The following XYLT1 variants were observed in gnomAD, a reference collection of about 807,000 sequenced individuals.
XYLT1 encodes beta-D-xylosyltransferase 1.
A neutral mutation model predicts 91.3 loss-of-function variants in XYLT1; 36 were observed. The ratio of observed to expected loss-of-function variants is 0.39; its 90% confidence interval spans 0.30 to 0.52. XYLT1 has a LOEUF of 0.52. XYLT1 is among the 20% of genes least tolerant of loss of function. The pLI is 0.68. For missense variants in XYLT1, 1,242 were observed against 1,284.5 expected, an observed-to-expected ratio of 0.97 and a Z score of 0.51; for synonymous variants, 588 against 532.0, an observed-to-expected ratio of 1.11 and a Z score of -1.45.
At chr16:17,124,938 G>A (rs1056958327) in intron 10 of XYLT1, among the ~76,000 whole-genome samples, 2 of 152,166 alleles carry the variant, frequency 1.3e-5, no homozygotes, top group Non-Finnish European at 1.5e-5. Flanking sequence ...TTCATTTTCA[G>A]AAGTTGTGAT....
chr16:17,150,604 G>C (rs748418931), intron 6 of XYLT1, among the ~76,000 whole-genome samples: 1 of 152,156 alleles, frequency 6.6e-6, no homozygotes, highest in Non-Finnish European at 1.5e-5. Context: ...AAGGAACAGA[G>C]ACACAGAAAG....
At chr16:17,359,171 T>C (rs747672979) in intron 1 of XYLT1, among the ~76,000 whole-genome samples, 1 of 152,198 alleles carries the variant, frequency 6.6e-6, no homozygotes, top group Non-Finnish European at 1.5e-5. Context: ...GGATTTATAA[T>C]TCTGGGAAAA....
intron 2 of XYLT1, among the ~76,000 whole-genome samples, chr16:17,323,882 A>ATAATACTAAAAG (rs1555497537): frequency 2.6e-5 from 4 of 152,232 alleles, no homozygotes; most frequent in African/African-American, 9.6e-5. Context: ...CGAAGCGCAG[A>ATAATACTAAAAG]TAATACTAAA....
At chr16:17,423,962 G>C (rs185718591) in intron 1 of XYLT1, among the ~76,000 whole-genome samples, 2 of 152,120 alleles carry the variant, frequency 1.3e-5, no homozygotes, top group Non-Finnish European at 2.9e-5. Flanking sequence ...GTATAAGCAA[G>C]TCCTATAGCA....
intron 2 of XYLT1, among the ~76,000 whole-genome samples, chr16:17,289,519 A>G (rs555308972): frequency 6.6e-6 from 1 of 152,332 alleles, no homozygotes; most frequent in South Asian, 2.1e-4. Flanking sequence ...TCATAAATCT[A>G]TGTCATTTCC....
intron 1 of XYLT1, among the ~76,000 whole-genome samples, chr16:17,378,301 CTTTT>C (rs540574923): frequency 6.7e-6 from 1 of 149,030 alleles, no homozygotes; most frequent in African/African-American, 2.5e-5. Context: ...TGTTCCAAGA[CTTTT>C]TTTTTTCACC....
chr16:17,345,693 A>G (rs2035134426), intron 2 of XYLT1, among the ~76,000 whole-genome samples: 1 of 152,252 alleles, frequency 6.6e-6, no homozygotes, highest in African/African-American at 2.4e-5. Flanking sequence ...TAGGACTATG[A>G]AAGTAATACT....
At chr16:17,437,499 G>A (rs2036474601) in intron 1 of XYLT1, among the ~76,000 whole-genome samples, 1 of 152,196 alleles carries the variant, frequency 6.6e-6, no homozygotes, top group African/African-American at 2.4e-5. Context: ...CCCACGTGAA[G>A]CCAATGTGCA....
At chr16:17,310,099 T>C (rs1272518108) in intron 2 of XYLT1, among the ~76,000 whole-genome samples, 1 of 152,188 alleles carries the variant, frequency 6.6e-6, no homozygotes, top group Non-Finnish European at 1.5e-5. Context: ...CGCACACTTC[T>C]TGAACACCTT....
chr16:17,145,103 A>G (rs2031097673), intron 6 of XYLT1, among the ~76,000 whole-genome samples: 2 of 152,266 alleles, frequency 1.3e-5, no homozygotes, highest in African/African-American at 2.4e-5. Context: ...GATATTTCAT[A>G]TAAAGGCAGT....
At chr16:17,274,177 G>T (rs1479002092) in intron 2 of XYLT1, among the ~76,000 whole-genome samples, 1 of 152,140 alleles carries the variant, frequency 6.6e-6, no homozygotes, top group East Asian at 1.9e-4. Flanking sequence ...CTCCCAAAGT[G>T]CTGGGATTAC....
At chr16:17,225,282 G>A (rs887521068) in intron 3 of XYLT1, among the ~76,000 whole-genome samples, 2 of 152,016 alleles carry the variant, frequency 1.3e-5, no homozygotes, top group Non-Finnish European at 2.9e-5. Context: ...CATGGGCCAT[G>A]TCCCTCTCCC....
chr16:17,308,871 G>A (rs546523119), intron 2 of XYLT1, among the ~76,000 whole-genome samples: 16 of 152,148 alleles, frequency 1.1e-4, no homozygotes, highest in Non-Finnish European at 1.8e-4. Context: ...AGGATTAGAA[G>A]TAAAATACAA....
At chr16:17,425,433 A>G (rs1261838521) in intron 1 of XYLT1, among the ~76,000 whole-genome samples, 2 of 152,096 alleles carry the variant, frequency 1.3e-5, no homozygotes, top group African/African-American at 4.8e-5. Context: ...ATGTCGACCC[A>G]CTCTAGATAG....
intron 2 of XYLT1, among the ~76,000 whole-genome samples, chr16:17,354,359 T>A (rs778674986): frequency 3.3e-5 from 5 of 151,816 alleles, no homozygotes; most frequent in Non-Finnish European, 5.9e-5. Flanking sequence ...ATTAGAGGAG[T>A]CCTCAGCAGC....
chr16:17,408,589 T>C (rs1015850981), intron 1 of XYLT1, among the ~76,000 whole-genome samples: 2 of 152,260 alleles, frequency 1.3e-5, no homozygotes, highest in Non-Finnish European at 2.9e-5. Context: ...CTTAGGCCGA[T>C]AATCCCAGCA....
At chr16:17,139,212 T>TAGAC (rs1401114998) in intron 7 of XYLT1, among the ~76,000 whole-genome samples, 3 of 152,188 alleles carry the variant, frequency 2.0e-5, no homozygotes, top group Admixed American at 1.3e-4. Flanking sequence ...ATTTCTATAA[T>TAGAC]AGACAGTCCC....
intron 1 of XYLT1, among the ~76,000 whole-genome samples, chr16:17,371,762 A>T (rs1321990637): frequency 6.6e-6 from 1 of 152,230 alleles, no homozygotes; most frequent in African/African-American, 2.4e-5. Flanking sequence ...GAGGTTTATC[A>T]CATCTGCTTC....
intron 10 of XYLT1, among the ~76,000 whole-genome samples, chr16:17,122,984 T>C (rs768605617): frequency 1.2e-4 from 18 of 152,230 alleles, no homozygotes; most frequent in Non-Finnish European, 1.9e-4. Flanking sequence ...TATGGCCTTA[T>C]AGTATGCTTT....
Sources: gnomAD v4.1 joint callset for allele counts (sites outside exome capture counted in the v4.1 genomes callset) on GRCh38, gnomAD v4.1.1 for gene constraint, MANE v1.5 for transcripts, NCBI Gene and HGNC (gene_info 2026-07-23, HGNC 2026-07-21) for gene names.